Variants in TMEM178B observed in about 807,000 individuals in gnomAD.
The protein encoded by TMEM178B is transmembrane protein 178B.
Under a neutral mutation model 31.0 loss-of-function variants are expected in TMEM178B, and 5 were observed. The observed-to-expected ratio is 0.16, with a 90% confidence interval of 0.08 to 0.34. TMEM178B has a LOEUF of 0.34. Among genes scored for constraint, TMEM178B ranks in the 10% least tolerant of loss-of-function variants. The pLI, the probability that TMEM178B is intolerant of heterozygous loss-of-function variation, is 1.00. For missense variants in TMEM178B, 275 were observed against 400.3 expected (o/e 0.69, Z 2.67); for synonymous variants, 164 against 164.0 (o/e 1.00, Z 0.00).
chr7:141,128,273 T>A (rs143342781), intron 1 of TMEM178B, among the ~76,000 whole-genome samples: 76 of 152,320 alleles, frequency 5.0e-4, no homozygotes, highest in African/African-American at 1.7e-3. Context: ...AAGTCAGGAA[T>A]AATTGCTTGC....
intron 2 of TMEM178B, chr7:141,414,925 A>G (rs1179210752): frequency 2.0e-5 from 3 of 152,226 alleles, no homozygotes; most frequent in Non-Finnish European, 4.4e-5. Context: ...TCATTAGAAG[A>G]TAAGTGTATC....
At chr7:141,109,140 C>G (rs1266168918) in intron 1 of TMEM178B, among the ~76,000 whole-genome samples, 1 of 152,102 alleles carries the variant, frequency 6.6e-6, no homozygotes, top group Admixed American at 6.5e-5. Context: ...GAGTACAACT[C>G]AAGATGAGAG....
chr7:141,260,388 C>T (rs1170914688), intron 2 of TMEM178B, among the ~76,000 whole-genome samples: 3 of 145,990 alleles, frequency 2.1e-5, no homozygotes, highest in Non-Finnish European at 4.5e-5. Flanking sequence ...TGTGTGTCTT[C>T]CATCAATGTC....
chr7:141,119,734 A>G (rs1795379387), intron 1 of TMEM178B, among the ~76,000 whole-genome samples: 1 of 152,158 alleles, frequency 6.6e-6, no homozygotes, highest in Non-Finnish European at 1.5e-5. Flanking sequence ...AGCCGGGGTT[A>G]TGTCGGTTGA....
At chr7:141,126,498 T>C (rs1586784143) in intron 1 of TMEM178B, among the ~76,000 whole-genome samples, 1 of 152,224 alleles carries the variant, frequency 6.6e-6, no homozygotes, top group Non-Finnish European at 1.5e-5. Context: ...GAAGTGGAGA[T>C]GTGCTATTGA....
intron 2 of TMEM178B, among the ~76,000 whole-genome samples, chr7:141,356,821 C>G (rs1045488656): frequency 1.3e-5 from 2 of 151,978 alleles, no homozygotes; most frequent in African/African-American, 2.4e-5. Flanking sequence ...TGACCTCATA[C>G]CATCCCTCCT....
intron 2 of TMEM178B, among the ~76,000 whole-genome samples, chr7:141,408,144 G>A (rs536909233): frequency 2.6e-5 from 4 of 151,598 alleles, no homozygotes; most frequent in African/African-American, 4.9e-5. Context: ...CATTTGTTCC[G>A]AAGTCCCCTA....
intron 2 of TMEM178B, among the ~76,000 whole-genome samples, chr7:141,275,327 T>A (rs1367991381): frequency 6.6e-6 from 1 of 152,194 alleles, no homozygotes; most frequent in Non-Finnish European, 1.5e-5. Context: ...AAAGTCATAT[T>A]TGAGTCAGTA....
intron 2 of TMEM178B, among the ~76,000 whole-genome samples, chr7:141,349,952 C>T (rs1314990037): frequency 6.7e-6 from 1 of 150,302 alleles, no homozygotes; most frequent in Non-Finnish European, 1.5e-5. Flanking sequence ...TCCATGCATC[C>T]ATGCATCCAT....
chr7:141,298,805 C>T (rs995854418), intron 2 of TMEM178B, among the ~76,000 whole-genome samples: 11 of 152,198 alleles, frequency 7.2e-5, no homozygotes, highest in African/African-American at 2.7e-4. Context: ...ATATGCAATC[C>T]ACATACCAAT....
chr7:141,129,503 A>G (rs1346520600), intron 1 of TMEM178B, among the ~76,000 whole-genome samples: 2 of 152,184 alleles, frequency 1.3e-5, no homozygotes, highest in African/African-American at 4.8e-5. Flanking sequence ...TGCTTCTAAC[A>G]CTCAAGAGCA....
At chr7:141,326,274 A>G (rs1001716522) in intron 2 of TMEM178B, among the ~76,000 whole-genome samples, 9 of 152,270 alleles carry the variant, frequency 5.9e-5, no homozygotes, top group Admixed American at 3.9e-4. Flanking sequence ...TGAACCAAAC[A>G]TGCATTACTT....
At chr7:141,173,424 G>A (rs1796378842) in intron 1 of TMEM178B, among the ~76,000 whole-genome samples, 1 of 152,146 alleles carries the variant, frequency 6.6e-6, no homozygotes, top group South Asian at 2.1e-4. Context: ...GAACGAGTCA[G>A]TTACTCCCTG....
intron 2 of TMEM178B, among the ~76,000 whole-genome samples, chr7:141,368,917 A>C (rs2116563508): frequency 6.6e-6 from 1 of 152,282 alleles, no homozygotes; most frequent in East Asian, 1.9e-4. Context: ...ACAAAGAAAA[A>C]TTCTCAAGGA....
chr7:141,243,839 C>T (rs1272543606), intron 2 of TMEM178B, among the ~76,000 whole-genome samples: 6 of 152,144 alleles, frequency 3.9e-5, no homozygotes, highest in Admixed American at 3.9e-4. Flanking sequence ...CCATTTCACT[C>T]CTGGAATAAT....
intron 2 of TMEM178B, among the ~76,000 whole-genome samples, chr7:141,346,391 A>T (rs1799621402): frequency 6.6e-6 from 1 of 152,200 alleles, no homozygotes; most frequent in Non-Finnish European, 1.5e-5. Context: ...TTCAACCCTG[A>T]TGTTATCACC....
intron 2 of TMEM178B, among the ~76,000 whole-genome samples, chr7:141,303,424 A>G (rs1253578357): frequency 6.6e-6 from 1 of 152,240 alleles, no homozygotes; most frequent in Non-Finnish European, 1.5e-5. Context: ...TCTATCCTTG[A>G]GAAATGCCTG....
intron 2 of TMEM178B, among the ~76,000 whole-genome samples, chr7:141,275,791 A>G (rs1798257230): frequency 6.6e-6 from 1 of 152,220 alleles, no homozygotes; most frequent in African/African-American, 2.4e-5. Flanking sequence ...TGTTGTACAG[A>G]ATTCATTATC....
At position 141,341,839 on chromosome 7, in the gene TMEM178B, C is replaced by T. The variant is rs185206857; in HGVS notation, c.497-95769C>T. Among the ~76,000 whole-genome samples the T allele has an allele frequency of 5.9e-5, 9 of 152,310 alleles. No homozygotes were observed. The East Asian group carries it at 1.7e-3, about 29-fold the overall frequency. ...TTCCATTAGCCCTGTTCTACCTTGA[C>T]CTGGGACACTTCCTACACTTGGGGC... On this transcript the variant is annotated intron_variant, in intron 2 of 3. Coordinates refer to ENST00000565468, the MANE Select transcript of TMEM178B (RefSeq NM_001195278.2).
Sources: allele counts gnomAD v4.1 joint callset (sites outside exome capture counted in the v4.1 genomes callset), GRCh38; gene constraint gnomAD v4.1.1; transcripts MANE v1.5; gene names NCBI Gene and HGNC (gene_info 2026-07-23, HGNC 2026-07-21).